PRIM2: variants seen among roughly 807,000 people sequenced by gnomAD.
PRIM2 encodes the protein DNA primase subunit 2.
In PRIM2, 39 loss-of-function variants were observed where a neutral mutation model predicts 67.3. That is an observed-to-expected ratio of 0.58 (90% confidence interval 0.45 to 0.76). The LOEUF is 0.76. Ranked by LOEUF, PRIM2 falls within the 30% of genes least tolerant of loss-of-function variation. The probability of loss-of-function intolerance (pLI) is 0.00; values close to 1 mark genes in which losing one functional copy is unlikely to be tolerated. For missense variants in PRIM2, 398 were observed against 598.7 expected, an observed-to-expected ratio of 0.66 and a Z score of 3.50; for synonymous variants, 143 against 198.7, an observed-to-expected ratio of 0.72 and a Z score of 2.36.
chr6:57,486,745 G>C (rs1378154941), intron 7 of PRIM2, among the ~76,000 whole-genome samples: 1 of 152,194 alleles, frequency 6.6e-6, no homozygotes, highest in Admixed American at 6.5e-5. Context: ...TTGGAAAACA[G>C]CTAGATAACT....
chr6:57,503,497 C>G (rs1249595681), intron 7 of PRIM2, among the ~76,000 whole-genome samples: 1 of 152,150 alleles, frequency 6.6e-6, no homozygotes, highest in African/African-American at 2.4e-5. Context: ...GTGTACGATC[C>G]CAGCACTTTG....
chr6:57,314,562 A>G (rs1371562271), upstream of PRIM2, among the ~76,000 whole-genome samples: 2 of 152,262 alleles, frequency 1.3e-5, no homozygotes, highest in Non-Finnish European at 1.5e-5. Context: ...ATTCAGTTTC[A>G]TAAGTATTTA....
chr6:57,308,290 T>G, the PRIM2 span, among the ~76,000 whole-genome samples: 2 of 151,898 alleles, frequency 1.3e-5, no homozygotes, highest in Non-Finnish European at 2.9e-5. Context: ...ATCTGGCTAA[T>G]TTTTGTATTT....
intron 7 of PRIM2, among the ~76,000 whole-genome samples, chr6:57,452,896 T>C (rs1434888359): frequency 6.6e-6 from 1 of 152,230 alleles, no homozygotes; most frequent in African/African-American, 2.4e-5. Context: ...CTAGGTTTTC[T>C]TCTAGGGTTT....
At chr6:57,622,311 G>A (rs1776872986) in intron 12 of PRIM2, among the ~76,000 whole-genome samples, 1 of 152,068 alleles carries the variant, frequency 6.6e-6, no homozygotes, top group African/African-American at 2.4e-5. Flanking sequence ...TGTGGTTATA[G>A]AAAATCTAAA....
At chr6:57,238,998 T>A in the PRIM2 span, among the ~76,000 whole-genome samples, 1 of 152,102 alleles carries the variant, frequency 6.6e-6, no homozygotes, top group Non-Finnish European at 1.5e-5. Context: ...TTTTTATTTT[T>A]TTTTTATTTT....
At position 57,532,453 on chromosome 6, in the gene PRIM2, TG is replaced by T; in HGVS notation, c.807del (p.Lys270ArgfsTer4). 6.8e-7 allele frequency: 1 copy of T among 1,466,288 alleles called. No homozygotes were observed. The highest frequency in any genetic ancestry group is 9.3e-7 in the Non-Finnish European group (1 of 1,080,538). 90.8% of individuals were successfully genotyped at this position (1,466,288 alleles called of 1,614,324 possible). ...GQDYSTQGNV[G>X]KISLDQIDLL... ...AAGATTACAGTACCCAGGGAAATGT[TG>T]GGAAGATTTCTTTAGATCAGATTGA... On this transcript the variant is annotated frameshift_variant, in exon 9 of 14. Coordinates refer to ENST00000615550, the MANE Select transcript of PRIM2 (RefSeq NM_000947.5). LOFTEE classifies it high-confidence loss of function.
In PRIM2 at chr6:57,537,544, G is replaced by A; in HGVS notation, c.939G>A (p.Leu313=). Residue 313 remains leucine, a synonymous_variant, in exon 10 of 14, where the codon CTG becomes CTA. Coordinates refer to ENST00000615550, the MANE Select transcript of PRIM2 (RefSeq NM_000947.5). ...HGGRMQYGLF[L]KGIGLTLEQA... The stretch of plus-strand genomic sequence containing the variant: ...GCCGAATGCAGTATGGCCTATTTCT[G>A]AAGGGCATTGGTTTAACTTTGGAAC... 6.3e-7 allele frequency: 1 copy of A among 1,591,708 alleles called. No homozygotes were observed. Among genetic ancestry groups the A allele is most frequent in the Non-Finnish European group, 8.6e-7 (1 of 1,165,950 alleles).
chr6:57,312,597 T>C (rs1767409656), upstream of PRIM2, among the ~76,000 whole-genome samples: 1 of 152,224 alleles, frequency 6.6e-6, no homozygotes, highest in Non-Finnish European at 1.5e-5. Context: ...TTTAGCTTGT[T>C]TTTTTAAAAA....
At chr6:57,459,768 C>T (rs1283116948) in intron 7 of PRIM2, among the ~76,000 whole-genome samples, 7 of 152,282 alleles carry the variant, frequency 4.6e-5, no homozygotes, top group African/African-American at 1.7e-4. Flanking sequence ...GGATGAGAGC[C>T]AGCCATGTTA....
intron 10 of PRIM2, among the ~76,000 whole-genome samples, chr6:57,600,549 T>G (rs1226492755): frequency 6.6e-6 from 1 of 151,982 alleles, no homozygotes; most frequent in Non-Finnish European, 1.5e-5. Flanking sequence ...TAGAGATGGG[T>G]CTCACTGTGT....
intron 5 of PRIM2, among the ~76,000 whole-genome samples, chr6:57,365,791 C>T (rs1447557318): frequency 6.6e-6 from 1 of 151,836 alleles, no homozygotes; most frequent in Admixed American, 6.6e-5. Flanking sequence ...GAGACCCGGT[C>T]TCTACAGAAA....
chr6:57,450,968 C>T (rs1179312119), intron 7 of PRIM2, among the ~76,000 whole-genome samples: 7 of 152,088 alleles, frequency 4.6e-5, no homozygotes, highest in East Asian at 1.9e-4. Context: ...TTTGTTTTAG[C>T]CTCTTGATTC....
At chr6:57,377,277 T>C (rs1769799917) in intron 5 of PRIM2, among the ~76,000 whole-genome samples, 1 of 152,218 alleles carries the variant, frequency 6.6e-6, no homozygotes, top group Admixed American at 6.5e-5. Context: ...TTTCTAAGTA[T>C]ACTAAATCAT....
chr6:57,340,287 A>C (rs1768425488), intron 5 of PRIM2, among the ~76,000 whole-genome samples: 1 of 152,226 alleles, frequency 6.6e-6, no homozygotes, highest in Non-Finnish European at 1.5e-5. Context: ...CCATTGTGGA[A>C]GTCAGTGTGG....
At chr6:57,237,627 T>C in the PRIM2 span, among the ~76,000 whole-genome samples, 1 of 152,328 alleles carries the variant, frequency 6.6e-6, no homozygotes, top group African/African-American at 2.4e-5. Flanking sequence ...TTCAGCTTTC[T>C]ACATATGGCT....
chr6:57,522,584 G>A (rs1207124435), intron 8 of PRIM2, among the ~76,000 whole-genome samples: 2 of 151,916 alleles, frequency 1.3e-5, no homozygotes, highest in Admixed American at 6.6e-5. Flanking sequence ...GAACTCCTAG[G>A]CTCAAGTAAT....
intron 7 of PRIM2, among the ~76,000 whole-genome samples, chr6:57,425,327 T>C (rs1455537360): frequency 6.6e-6 from 1 of 152,080 alleles, no homozygotes; most frequent in Non-Finnish European, 1.5e-5. Context: ...AACCTCCACC[T>C]CCTGGGTTCA....
chr6:57,320,398 T>G lies in PRIM2; in HGVS notation c.155-59T>G, dbSNP rs1002684428. On this transcript the variant is annotated intron_variant, in intron 2 of 13. Coordinates refer to ENST00000615550, the MANE Select transcript of PRIM2 (RefSeq NM_000947.5). ...TTATGGAATTGCCCTCCATAGATTT[T>G]GTCTTGGATTTAGTTTTAAAACATT... 4.8e-5 allele frequency: 58 copies of G among 1,195,926 alleles called. No homozygotes were observed. In the Admixed American group the frequency reaches 7.3e-4, roughly 15 times the overall value. 74.1% of individuals were successfully genotyped at this position (1,195,926 alleles called of 1,614,324 possible).
Sources: allele counts gnomAD v4.1 joint callset (sites outside exome capture counted in the v4.1 genomes callset), GRCh38; gene constraint gnomAD v4.1.1; transcripts MANE v1.5; gene names NCBI Gene and HGNC (gene_info 2026-07-23, HGNC 2026-07-21).